NELL1: variants seen among roughly 807,000 people sequenced by gnomAD.
NELL1 encodes protein kinase C-binding protein NELL1.
NELL1 carries 76 observed loss-of-function variants against 107.4 expected under a neutral mutation model. The ratio of observed to expected loss-of-function variants is 0.71; its 90% confidence interval spans 0.59 to 0.86. The LOEUF (loss-of-function observed/expected upper bound fraction) is 0.86, where lower values mean the gene tolerates loss of function less well. Among genes scored for constraint, NELL1 ranks in the 40% least tolerant of loss-of-function variants. The pLI, the probability that NELL1 is intolerant of heterozygous loss-of-function variation, is 0.00. For synonymous variants in NELL1, 353 were observed against 341.2 expected (o/e 1.03, Z -0.38); for missense variants, 1,024 against 1,005.5 (o/e 1.02, Z -0.25).
intron 4 of NELL1, among the ~76,000 whole-genome samples, chr11:20,863,314 A>G (rs1425695372): frequency 1.6e-5 from 2 of 124,832 alleles, no homozygotes; most frequent in South Asian, 3.0e-4. Flanking sequence ...CTGGCCAGGC[A>G]GGGGCTGTTC....
chr11:20,717,822 C>T (rs1564877582), intron 2 of NELL1, among the ~76,000 whole-genome samples: 1 of 152,138 alleles, frequency 6.6e-6, no homozygotes, highest in Non-Finnish European at 1.5e-5. Context: ...ACTCCATAAA[C>T]TCTACTTGTT....
chr11:20,760,633 G>A (rs115852008), intron 2 of NELL1, among the ~76,000 whole-genome samples: 2,203 of 152,256 alleles, frequency 0.014, 57 homozygotes, highest in African/African-American at 0.049. Flanking sequence ...TAGGGCTTAC[G>A]GTGATGGATG....
At chr11:20,994,524 A>G (rs1852047080) in intron 12 of NELL1, among the ~76,000 whole-genome samples, 2 of 152,188 alleles carry the variant, frequency 1.3e-5, no homozygotes, top group Admixed American at 6.5e-5. Flanking sequence ...AAAGAACAAC[A>G]AATAAATTGC....
chr11:21,427,366 A>G (rs1308769908), intron 15 of NELL1, among the ~76,000 whole-genome samples: 1 of 152,208 alleles, frequency 6.6e-6, no homozygotes, highest in Non-Finnish European at 1.5e-5. Context: ...ATGCACTTCT[A>G]ACAGGGAAAG....
At chr11:20,715,296 GGTTTTT>G (rs943678123) in intron 2 of NELL1, among the ~76,000 whole-genome samples, 4 of 23,132 alleles carry the variant, frequency 1.7e-4, no homozygotes, top group African/African-American at 2.9e-4. Flanking sequence ...ATTTGAGCTG[GGTTTTT>G]GTTTTTTTTT....
intron 13 of NELL1, among the ~76,000 whole-genome samples, chr11:21,211,643 G>A (rs1377273548): frequency 1.3e-5 from 2 of 152,130 alleles, no homozygotes; most frequent in East Asian, 3.8e-4. Context: ...AGTGAGAGAT[G>A]TTGATAACTT....
At chr11:21,307,685 C>T (rs2133637650) in intron 14 of NELL1, among the ~76,000 whole-genome samples, 1 of 152,062 alleles carries the variant, frequency 6.6e-6, no homozygotes, top group African/African-American at 2.4e-5. Context: ...GTTCCATGGT[C>T]TTTACCTTGA....
At chr11:21,002,381 A>G (rs546522354) in intron 12 of NELL1, among the ~76,000 whole-genome samples, 20 of 142,456 alleles carry the variant, frequency 1.4e-4, no homozygotes, top group Non-Finnish European at 2.6e-4. Flanking sequence ...TATTATGCCT[A>G]TAGCAGGGAA....
chr11:21,559,025 CA>C (rs749218630), intron 16 of NELL1, among the ~76,000 whole-genome samples: 2 of 152,004 alleles, frequency 1.3e-5, no homozygotes, highest in Admixed American at 1.3e-4. Context: ...CTATAATTTT[CA>C]AAGGAGAAAT....
intron 15 of NELL1, among the ~76,000 whole-genome samples, chr11:21,436,239 G>A (rs1471870674): frequency 6.6e-6 from 1 of 152,134 alleles, no homozygotes; most frequent in Non-Finnish European, 1.5e-5. Context: ...ATTTTTGGTA[G>A]AGATGGGGTT....
In NELL1 at chr11:20,942,399, A is replaced by G. The variant is rs555154207; in HGVS notation, c.1071+4540A>G. Among the ~76,000 whole-genome samples, 3 of 152,250 alleles carry G rather than the reference A, an allele frequency of 2.0e-5. No homozygotes were observed. In the East Asian group the frequency reaches 5.8e-4, roughly 29 times the overall value. ...GTGTAGGGGCTCTCCACTCTGTGGC[A>G]GGGGCAAGGATGGTGTGACAACAAG... On this transcript the variant is annotated intron_variant, in intron 10 of 19. Transcript: ENST00000357134.
rs574927981 is a variant in NELL1 at position 21,562,640 on chromosome 11, A to ATACT, written c.1980+2262_1980+2265dup. ...TTCAATTTGATAAGAAATACCTCCAATACTTACACATCCAAATGGGTGACT... is the reference window on the plus strand; with the variant it reads ...TTCAATTTGATAAGAAATACCTCCAATACTTACTTACACATCCAAATGGGTGACT... On this transcript the variant is annotated intron_variant, in intron 17 of 19. Transcript: ENST00000357134. 1.1e-4 allele frequency among the ~76,000 whole-genome samples: 16 copies of ATACT among 152,178 alleles called. No individual in the cohort carries two copies. The East Asian group carries it at 3.1e-3, about 30-fold the overall frequency.
chr11:21,042,597 G>A (rs932114073), intron 12 of NELL1, among the ~76,000 whole-genome samples: 1 of 152,058 alleles, frequency 6.6e-6, no homozygotes, highest in African/African-American at 2.4e-5. Context: ...GCCAGAAGTT[G>A]TCTCAGCACC....
intron 2 of NELL1, among the ~76,000 whole-genome samples, chr11:20,694,467 T>A (rs940800474): frequency 6.6e-6 from 1 of 152,164 alleles, no homozygotes; most frequent in Non-Finnish European, 1.5e-5. Context: ...GGAGTCTATT[T>A]TCATTCTTCT....
intron 9 of NELL1, among the ~76,000 whole-genome samples, chr11:20,932,123 C>A (rs964156360): frequency 6.6e-6 from 1 of 152,058 alleles, no homozygotes; most frequent in Admixed American, 6.6e-5. Flanking sequence ...TGTTGGGTGT[C>A]TGCACTATTC....
intron 12 of NELL1, among the ~76,000 whole-genome samples, chr11:21,059,759 TCTTC>T (rs1317001118): frequency 6.6e-6 from 1 of 152,166 alleles, no homozygotes; most frequent in South Asian, 2.1e-4. Context: ...CGCTACTGCA[TCTTC>T]CTTTGCTGCT....
At chr11:20,705,041 T>C (rs1854905595) in intron 2 of NELL1, among the ~76,000 whole-genome samples, 1 of 152,172 alleles carries the variant, frequency 6.6e-6, no homozygotes, top group Non-Finnish European at 1.5e-5. Flanking sequence ...GAACATTCCA[T>C]GCTCACGGGT....
chr11:20,738,252 G>A (rs953009657), intron 2 of NELL1, among the ~76,000 whole-genome samples: 2 of 152,142 alleles, frequency 1.3e-5, no homozygotes, highest in African/African-American at 2.4e-5. Context: ...ATCAGGTTGA[G>A]AGGCTGGCAG....
intron 12 of NELL1, among the ~76,000 whole-genome samples, chr11:21,012,171 A>G (rs1461926872): frequency 1.3e-5 from 2 of 152,126 alleles, no homozygotes; most frequent in Non-Finnish European, 2.9e-5. Flanking sequence ...GCCGCACTAC[A>G]GTAAGGAGAG....
Sources: allele counts gnomAD v4.1 joint callset (sites outside exome capture counted in the v4.1 genomes callset), GRCh38; gene constraint gnomAD v4.1.1; transcripts MANE v1.5; gene names NCBI Gene and HGNC (gene_info 2026-07-23, HGNC 2026-07-21).